FGD6: variants seen among roughly 807,000 people sequenced by gnomAD.
FGD6 encodes FYVE, RhoGEF and PH domain-containing protein 6.
A neutral mutation model predicts 149.4 loss-of-function variants in FGD6; 90 were observed. That is an observed-to-expected ratio of 0.60 (90% CI 0.51 to 0.72). FGD6 has a LOEUF of 0.72. Ranked by LOEUF, FGD6 falls within the 30% of genes least tolerant of loss-of-function variation. The pLI, the probability that FGD6 is intolerant of heterozygous loss-of-function variation, is 0.00. For missense variants in FGD6, 1,437 were observed against 1,684.8 expected (o/e 0.85, Z 2.57); for synonymous variants, 527 against 584.0 (o/e 0.90, Z 1.41).
At chr12:95,107,525 C>T in intron 12 of FGD6, 38 bp downstream of exon 12, 1 of 1,607,368 alleles carries the variant, frequency 6.2e-7, no homozygotes. Flanking sequence ...GCAACTATCC[C>T]TACCTCGGCC....
chr12:95,132,850 T>C (rs1009549231), intron 8 of FGD6, among the ~76,000 whole-genome samples: 17 of 152,190 alleles, frequency 1.1e-4, no homozygotes, highest in African/African-American at 4.1e-4. Flanking sequence ...TCCCCTCCCA[T>C]TTGAAACTAC....
At chr12:95,181,682 A>C (rs762532291) in intron 2 of FGD6, among the ~76,000 whole-genome samples, 5 of 147,804 alleles carry the variant, frequency 3.4e-5, no homozygotes, top group Non-Finnish European at 7.5e-5. Flanking sequence ...AGTTGGGCAC[A>C]GTGGCTCACG....
At chr12:95,098,685 G>T (rs1226948577) in intron 14 of FGD6, among the ~76,000 whole-genome samples, 1 of 152,110 alleles carries the variant, frequency 6.6e-6, no homozygotes, top group South Asian at 2.1e-4. Context: ...AGCAGGGTTT[G>T]TAGGAAAGAG....
chr12:95,206,594 G>T (rs1323548768), intron 2 of FGD6, among the ~76,000 whole-genome samples: 1 of 152,002 alleles, frequency 6.6e-6, no homozygotes, highest in Non-Finnish European at 1.5e-5. Context: ...GGAGGCTGAA[G>T]GTGGGTGGGG....
Position 95,107,925 on chromosome 12 carries a change from G to T in FGD6, c.3265-294C>A, listed in dbSNP as rs143856999. On this transcript the variant is annotated intron_variant, in intron 11 of 20. Coordinates refer to ENST00000343958, the MANE Select transcript of FGD6 (RefSeq NM_018351.4). ...AAGCATACCCAACATCCTGACAACC[G>T]CATTTTGTAATTTTCCCGAATTAAT... is the stretch of plus-strand genomic sequence containing the variant. 1.9e-4 allele frequency among the ~76,000 whole-genome samples: 29 copies of T among 152,174 alleles called. No homozygotes were observed. In the East Asian group the frequency reaches 5.6e-3, roughly 29 times the overall value.
chr12:95,174,582 A>T (rs2136284614), intron 2 of FGD6, among the ~76,000 whole-genome samples: 1 of 152,232 alleles, frequency 6.6e-6, no homozygotes, highest in East Asian at 1.9e-4. Flanking sequence ...TTAGACTCCT[A>T]AGTATAATAG....
At chr12:95,135,635 T>A (rs1879643852) in intron 7 of FGD6, among the ~76,000 whole-genome samples, 1 of 152,152 alleles carries the variant, frequency 6.6e-6, no homozygotes, top group South Asian at 2.1e-4. Flanking sequence ...CCCTGCATCC[T>A]AAGAACTACA....
Position 95,180,437 on chromosome 12 carries a change from A to T in FGD6, c.2442-7693T>A, listed in dbSNP as rs978306360. On this transcript the variant is annotated intron_variant, in intron 2 of 20. Transcript: ENST00000343958. ...GTCACCCAGGCTGGAGTGCACACCCAGGTTAGAGTGCAGTGGTGTGATCAC... is the reference window on the plus strand; with the variant it reads ...GTCACCCAGGCTGGAGTGCACACCCTGGTTAGAGTGCAGTGGTGTGATCAC... Among the ~76,000 whole-genome samples, 82 of 144,298 alleles carry T rather than the reference A, an allele frequency of 5.7e-4. 1 individual carries two copies. Among genetic ancestry groups the T allele is most frequent in the Non-Finnish European group, 1.2e-3 (78 of 66,966 alleles). The allele number at this position is 144,298 out of a possible 152,430, so 94.7% of individuals were successfully genotyped here. A position where few individuals can be genotyped will look rare whatever the true frequency, so the allele number is the denominator to read the frequency against.
At chr12:95,169,385 T>C (rs1880921859) in intron 3 of FGD6, among the ~76,000 whole-genome samples, 1 of 151,350 alleles carries the variant, frequency 6.6e-6, no homozygotes, top group Middle Eastern at 3.4e-3. Context: ...AAAGAAATAG[T>C]CCTTTAAAAA....
intron 2 of FGD6, among the ~76,000 whole-genome samples, chr12:95,189,832 G>A (rs562687215): frequency 1.3e-5 from 2 of 152,192 alleles, no homozygotes; most frequent in South Asian, 4.1e-4. Context: ...TTTAAGTTTT[G>A]CCCTACAGAA....
intron 9 of FGD6, among the ~76,000 whole-genome samples, chr12:95,109,442 A>G (rs1411133122): frequency 6.6e-6 from 1 of 152,228 alleles, no homozygotes; most frequent in Non-Finnish European, 1.5e-5. Flanking sequence ...AAACCCACAC[A>G]AAGATTATTC....
chr12:95,134,515 C>T (rs1879610860), intron 8 of FGD6, among the ~76,000 whole-genome samples: 1 of 152,002 alleles, frequency 6.6e-6, no homozygotes, highest in Admixed American at 6.6e-5. Flanking sequence ...GTATGAATGC[C>T]CTGAGGTGAA....
At chr12:95,115,879 C>T (rs1431874509) in intron 8 of FGD6, among the ~76,000 whole-genome samples, 6 of 152,160 alleles carry the variant, frequency 3.9e-5, no homozygotes, top group African/African-American at 1.4e-4. Flanking sequence ...TGAGTCTAGA[C>T]GTGCACCTTA....
At position 95,141,482 on chromosome 12, in the gene FGD6, C is replaced by A; in HGVS notation, c.2743G>T (p.Asp915Tyr). The A allele has an allele frequency of 6.2e-7, 1 of 1,614,068 alleles. No homozygotes were observed. Among genetic ancestry groups the A allele is most frequent in the Non-Finnish European group, 8.5e-7 (1 of 1,180,006 alleles). The part of the protein sequence containing the change: ...SRQLGKPVIE[D>Y]RILNQILYYL... ...TATAGGATCTGATTTAGAATCCGGTCCTCAATCACTGGTTTCCCAAGTTGC... is the reference window on the plus strand; with the variant it reads ...TATAGGATCTGATTTAGAATCCGGTACTCAATCACTGGTTTCCCAAGTTGC... The change falls in exon 6 of 21, where the codon GAC becomes TAC. Residue 915 changes from aspartate to tyrosine, a missense_variant. By Grantham distance (160) the Asp-to-Tyr change is radical. Coordinates refer to ENST00000343958, the MANE Select transcript of FGD6 (RefSeq NM_018351.4).
chr12:95,209,637 A>G lies in FGD6; in HGVS notation c.1647T>C (p.Arg549=). The change falls in exon 2 of 21, where the codon CGT becomes CGC. Residue 549 remains arginine, a synonymous_variant. Coordinates refer to ENST00000343958, the MANE Select transcript of FGD6 (RefSeq NM_018351.4). Reference sequence around the variant, plus strand: ...GCATATCAAAGGAGGATGACACACCACGGTTTTGGGCACACAAATGCTGAA... The same window carrying G: ...GCATATCAAAGGAGGATGACACACCGCGGTTTTGGGCACACAAATGCTGAA... ...NHLQHLCAQN[R]GVSSSFDMPK... The G allele has an allele frequency of 1.2e-6, 2 of 1,613,476 alleles. No individual in the cohort carries two copies. Among genetic ancestry groups the G allele is most frequent in the African/African-American group, 1.3e-5 (1 of 74,936 alleles).
chr12:95,166,854 C>CTTTTT (rs60585670), intron 3 of FGD6, among the ~76,000 whole-genome samples: 2 of 107,814 alleles, frequency 1.9e-5, no homozygotes, highest in African/African-American at 3.5e-5. Context: ...GTTCTTTCTA[C>CTTTTT]TTTTTTTTTT....
At chr12:95,104,886 C>T in intron 14 of FGD6, 121 bp downstream of exon 14, 1 of 724,988 alleles carries the variant, frequency 1.4e-6, no homozygotes, top group South Asian at 1.9e-5. Flanking sequence ...GCATTCCAGC[C>T]TGGGTGACAG....
chr12:95,131,055 T>C (rs1879505759), intron 8 of FGD6, among the ~76,000 whole-genome samples: 2 of 151,918 alleles, frequency 1.3e-5, no homozygotes, highest in South Asian at 4.1e-4. Flanking sequence ...TCATCTCTAA[T>C]ATAAATGTTG....
chr12:95,179,442 C>T (rs997593495), intron 2 of FGD6, among the ~76,000 whole-genome samples: 6 of 152,018 alleles, frequency 3.9e-5, no homozygotes, highest in African/African-American at 1.2e-4. Context: ...GAGGTCGAGG[C>T]TGCCTTGAGC....
Sources: allele counts gnomAD v4.1 joint callset (sites outside exome capture counted in the v4.1 genomes callset), GRCh38; gene constraint gnomAD v4.1.1; transcripts MANE v1.5; gene names NCBI Gene and HGNC (gene_info 2026-07-23, HGNC 2026-07-21).